Variants in EYS observed in about 807,000 individuals in gnomAD.
The protein encoded by EYS is EGF-like photoreceptor maintenance factor.
EYS carries 250 observed loss-of-function variants against 282.1 expected under a neutral mutation model. The ratio of observed to expected loss-of-function variants is 0.89; its 90% CI spans 0.80 to 0.98. EYS has a LOEUF of 0.98. EYS is among the 50% of genes least tolerant of loss of function. The probability of loss-of-function intolerance (pLI) is 0.00; values close to 1 mark genes in which losing one functional copy is unlikely to be tolerated. For synonymous variants in EYS, 1,355 were observed against 1,282.9 expected (o/e 1.06, Z -1.20); for missense variants, 4,016 against 3,709.0 (o/e 1.08, Z -2.15).
chr6:64,941,192 C>A (rs376582459), intron 15 of EYS, among the ~76,000 whole-genome samples: 2 of 152,016 alleles, frequency 1.3e-5, no homozygotes, highest in African/African-American at 4.8e-5. Flanking sequence ...ACCAGCCTGG[C>A]TAACATGGTG....
intron 2 of EYS, among the ~76,000 whole-genome samples, chr6:65,612,028 A>G (rs1766019068): frequency 6.6e-6 from 1 of 151,904 alleles, no homozygotes; most frequent in Admixed American, 6.6e-5. Context: ...CCCTAACAAT[A>G]CTTATTATCT....
intron 28 of EYS, among the ~76,000 whole-genome samples, chr6:64,411,834 A>AT (rs897076432): frequency 2.0e-5 from 2 of 101,280 alleles, no homozygotes; most frequent in African/African-American, 6.6e-5. Context: ...CATATATGAG[A>AT]TACACATATA....
intron 22 of EYS, among the ~76,000 whole-genome samples, chr6:64,644,980 T>C (rs1267917771): frequency 6.6e-6 from 1 of 152,194 alleles, no homozygotes; most frequent in Non-Finnish European, 1.5e-5. Flanking sequence ...AATTTTATTG[T>C]TTTTTAAATC....
intron 35 of EYS, among the ~76,000 whole-genome samples, chr6:63,905,929 A>G (rs2200104): frequency 0.052 from 7,900 of 152,280 alleles, 225 homozygotes; most frequent in African/African-American, 0.071. Flanking sequence ...GAAATTCCAG[A>G]AAAAAACATT....
chr6:65,298,443 G>A (rs1310494520), intron 11 of EYS, among the ~76,000 whole-genome samples: 4 of 151,902 alleles, frequency 2.6e-5, no homozygotes, highest in South Asian at 2.1e-4. Flanking sequence ...AATTTGAAAT[G>A]GTAATTGACC....
chr6:65,431,929 T>C (rs1767903684), intron 5 of EYS, among the ~76,000 whole-genome samples: 1 of 152,194 alleles, frequency 6.6e-6, no homozygotes, highest in African/African-American at 2.4e-5. Context: ...TTTGACAATG[T>C]TGAGCAACTA....
At chr6:63,940,614 G>A (rs1216164823) in intron 35 of EYS, among the ~76,000 whole-genome samples, 1 of 151,920 alleles carries the variant, frequency 6.6e-6, no homozygotes, top group African/African-American at 2.4e-5. Context: ...TTCTTCTGAT[G>A]AGTTCGCAGA....
chr6:65,283,245 T>C (rs1768272926), intron 12 of EYS, among the ~76,000 whole-genome samples: 4 of 151,932 alleles, frequency 2.6e-5, no homozygotes, highest in Admixed American at 2.6e-4. Flanking sequence ...CACTGAACTT[T>C]AAAAAGAACA....
intron 37 of EYS, among the ~76,000 whole-genome samples, chr6:63,796,951 C>A (rs1770660159): frequency 6.6e-6 from 1 of 152,152 alleles, no homozygotes; most frequent in African/African-American, 2.4e-5. Flanking sequence ...TGTGGTTCTC[C>A]CACCAAATGA....
intron 26 of EYS, among the ~76,000 whole-genome samples, chr6:64,503,445 T>C (rs1777115300): frequency 6.6e-6 from 1 of 152,192 alleles, no homozygotes; most frequent in Admixed American, 6.5e-5. Flanking sequence ...AATCTTGTTT[T>C]TAAGCTTTTT....
intron 2 of EYS, among the ~76,000 whole-genome samples, chr6:65,616,069 C>G (rs1392151006): frequency 7.9e-6 from 1 of 126,168 alleles, no homozygotes; most frequent in Non-Finnish European, 2.0e-5. Context: ...AAGCATTAAA[C>G]ATTTACTCTT....
At chr6:65,091,494 A>G (rs1774565201) in intron 12 of EYS, among the ~76,000 whole-genome samples, 1 of 151,786 alleles carries the variant, frequency 6.6e-6, no homozygotes, top group Non-Finnish European at 1.5e-5. Flanking sequence ...TAACTGCTTA[A>G]TAATAAAAAG....
intron 5 of EYS, among the ~76,000 whole-genome samples, chr6:65,414,182 C>T (rs1315129134): frequency 1.3e-5 from 2 of 152,086 alleles, no homozygotes; most frequent in African/African-American, 2.4e-5. Context: ...CTTAGGTATT[C>T]AAGAAACAGA....
At chr6:64,902,315 T>C (rs1393214998) in intron 17 of EYS, 89 bp downstream of exon 17, 5 of 1,299,498 alleles carry the variant, frequency 3.8e-6, no homozygotes, top group Non-Finnish European at 5.4e-6. Flanking sequence ...ATAATTATAA[T>C]TGTTGCTTAA....
At chr6:64,379,044 A>G (rs1308730059) in intron 29 of EYS, among the ~76,000 whole-genome samples, 1 of 152,180 alleles carries the variant, frequency 6.6e-6, no homozygotes, top group Non-Finnish European at 1.5e-5. Flanking sequence ...TTTACAAAGT[A>G]CTTTATTTTT....
At chr6:63,778,425 T>C (rs1380999902) in intron 39 of EYS, among the ~76,000 whole-genome samples, 1 of 152,156 alleles carries the variant, frequency 6.6e-6, no homozygotes, top group South Asian at 2.1e-4. Flanking sequence ...ATTTTTTCTA[T>C]GCTTAGTCAT....
At chr6:63,947,474 G>C (rs2149762300) in intron 35 of EYS, among the ~76,000 whole-genome samples, 1 of 151,876 alleles carries the variant, frequency 6.6e-6, no homozygotes, top group African/African-American at 2.4e-5. Context: ...CATTTTGCTG[G>C]ATTTTGATTG....
At chr6:65,380,455 T>C (rs529654388) in intron 8 of EYS, among the ~76,000 whole-genome samples, 2 of 152,202 alleles carry the variant, frequency 1.3e-5, no homozygotes, top group East Asian at 3.9e-4. Flanking sequence ...CCTTACACCT[T>C]ATACAAAAAT....
chr6:65,565,426 A>T (rs1324481724), intron 2 of EYS, among the ~76,000 whole-genome samples: 1 of 152,074 alleles, frequency 6.6e-6, no homozygotes, highest in East Asian at 1.9e-4. Flanking sequence ...TAGAATGGCG[A>T]TCATTAAAAA....
Sources: allele counts gnomAD v4.1 joint callset (sites outside exome capture counted in the v4.1 genomes callset), GRCh38; gene constraint gnomAD v4.1.1; transcripts MANE v1.5; gene names NCBI Gene and HGNC (gene_info 2026-07-23, HGNC 2026-07-21).